Variants in MARCHF2 observed in about 807,000 individuals in gnomAD.
MARCHF2 encodes membrane associated ring-CH-type finger 2, also known as E3 ubiquitin-protein ligase MARCHF2.
Under a neutral mutation model 24.0 loss-of-function variants are expected in MARCHF2, and 22 were observed. That is an observed-to-expected ratio of 0.92 (90% CI 0.66 to 1.31). MARCHF2 has a LOEUF of 1.31. Among genes scored for constraint, MARCHF2 ranks in the 50% most tolerant of loss-of-function variants. The pLI, the probability that MARCHF2 is intolerant of heterozygous loss-of-function variation, is 0.00. For synonymous variants in MARCHF2, 154 were observed against 153.0 expected (o/e 1.01, Z -0.05); for missense variants, 301 against 335.3 (o/e 0.90, Z 0.80).
chr19:8,438,621 C>T lies in MARCHF2; in HGVS notation c.*75C>T, dbSNP rs187578553. ...ATACCCTGTCCTGTGGAAGGACTTC[C>T]ACTTCAACACTTCCACTTCAACAGT... On this transcript the variant is annotated 3_prime_UTR_variant, in exon 5 of 5. Coordinates refer to ENST00000215555, the MANE Select transcript of MARCHF2 (RefSeq NM_001005415.2). 1.4e-6 allele frequency: 2 copies of T among 1,440,550 alleles called. No homozygotes were observed. The highest frequency in any genetic ancestry group is 2.4e-5 in the East Asian group (1 of 41,776). The allele number at this position is 1,440,550 out of a possible 1,614,324, so 89.2% of individuals were successfully genotyped here.
chr19:8,431,126 A>G (rs929688812), intron 4 of MARCHF2, among the ~76,000 whole-genome samples: 1 of 152,142 alleles, frequency 6.6e-6, no homozygotes, highest in African/African-American at 2.4e-5. Flanking sequence ...AACCCCCAAG[A>G]TTAGGAGTGG....
intron 3 of MARCHF2, among the ~76,000 whole-genome samples, chr19:8,428,212 A>G (rs1967464649): frequency 6.6e-6 from 1 of 151,854 alleles, no homozygotes; most frequent in Admixed American, 6.6e-5. Context: ...GTGAGCTGAG[A>G]TCAGGCCACT....
At chr19:8,419,378 C>T (rs953651567) in intron 1 of MARCHF2, among the ~76,000 whole-genome samples, 1 of 152,120 alleles carries the variant, frequency 6.6e-6, no homozygotes, top group African/African-American at 2.4e-5. Context: ...CCTGTAGTCT[C>T]AGCTACTCAG....
intron 1 of MARCHF2, among the ~76,000 whole-genome samples, chr19:8,415,417 CAAAA>C (rs918039744): frequency 6.8e-5 from 10 of 147,164 alleles, no homozygotes; most frequent in East Asian, 2.0e-4. Context: ...AAAAAACAGA[CAAAA>C]GAAAGAAAAG....
At chr19:8,419,673 G>A (rs193255442) in intron 1 of MARCHF2, among the ~76,000 whole-genome samples, 2,044 of 149,406 alleles carry the variant, frequency 0.014, 51 homozygotes, top group African/African-American at 0.048. Context: ...AAAATTAGCC[G>A]GGCGTGGTGG....
chr19:8,422,019 G>A lies in MARCHF2; in HGVS notation c.176+3G>A. 6.2e-7 allele frequency: 1 copy of A among 1,605,130 alleles called. No homozygotes were observed. Among genetic ancestry groups the A allele is most frequent in the Non-Finnish European group, 8.5e-7 (1 of 1,175,128 alleles). On this transcript the variant is annotated splice_donor_region_variant and intron_variant, in intron 2 of 4. Transcript: ENST00000215555. ...ATCCGTGCCTTGGACACACCGAGGTGAGTGGTGACTGCGTGGATATCCTGG... is the reference window on the plus strand; with the variant it reads ...ATCCGTGCCTTGGACACACCGAGGTAAGTGGTGACTGCGTGGATATCCTGG...
At chr19:8,429,479 C>CATTA (rs1259295203) in intron 3 of MARCHF2, among the ~76,000 whole-genome samples, 2 of 142,326 alleles carry the variant, frequency 1.4e-5, no homozygotes, top group African/African-American at 2.6e-5. Flanking sequence ...AATGAAAGAA[C>CATTA]TTATTATTAT....
At chr19:8,420,906 C>T (rs1258437869) in intron 1 of MARCHF2, among the ~76,000 whole-genome samples, 3 of 151,960 alleles carry the variant, frequency 2.0e-5, no homozygotes, top group East Asian at 1.9e-4. Flanking sequence ...CGGAGGCAGG[C>T]GGATTGTCTT....
At chr19:8,423,032 TC>T (rs1345304987) in intron 2 of MARCHF2, among the ~76,000 whole-genome samples, 5 of 142,716 alleles carry the variant, frequency 3.5e-5, no homozygotes, top group Non-Finnish European at 7.6e-5. Flanking sequence ...GCTTTTTTTT[TC>T]CTCTCTTCTC....
In MARCHF2 at chr19:8,427,424, C is replaced by T. The variant is rs955724812; in HGVS notation, c.372+620C>T. ...CTCTGTTAGGCACTGGGGACCCAGC[C>T]ACCAACAAGACACGTAGGGCTGGGC... On this transcript the variant is annotated intron_variant, in intron 3 of 4. Transcript: ENST00000215555. 5.9e-5 allele frequency among the ~76,000 whole-genome samples: 9 copies of T among 151,476 alleles called. No homozygotes were observed. In the South Asian group the frequency reaches 8.3e-4, roughly 14 times the overall value.
chr19:8,431,434 T>C (rs1599714296), intron 4 of MARCHF2, among the ~76,000 whole-genome samples: 1 of 125,528 alleles, frequency 8.0e-6, no homozygotes, highest in Non-Finnish European at 1.6e-5. Flanking sequence ...GAGGCGGAGG[T>C]TGCAGTAAGC....
rs1270619261 is a variant in MARCHF2, at chr19:8,425,741, C to T, written c.177-868C>T. Among the ~76,000 whole-genome samples, 3 of 151,802 alleles carry T rather than the reference C, an allele frequency of 2.0e-5. No homozygotes were observed. The East Asian group carries it at 6.0e-4, about 30-fold the overall frequency. On this transcript the variant is annotated intron_variant, in intron 2 of 4. Coordinates refer to ENST00000215555, the MANE Select transcript of MARCHF2 (RefSeq NM_001005415.2). The stretch of plus-strand genomic sequence containing the variant: ...AAGTGATACTCCTGCCTCAGCCTCC[C>T]CAGTAGCTGGGATTACAGGCACCTA...
intron 4 of MARCHF2, among the ~76,000 whole-genome samples, chr19:8,432,988 G>A (rs1057416170): frequency 5.9e-5 from 9 of 151,984 alleles, no homozygotes; most frequent in Non-Finnish European, 1.2e-4. Flanking sequence ...GGAGGTTGAG[G>A]CAGGCAGATT....
intron 4 of MARCHF2, among the ~76,000 whole-genome samples, chr19:8,433,857 A>C (rs1967643210): frequency 6.6e-6 from 1 of 150,444 alleles, no homozygotes; most frequent in Non-Finnish European, 1.5e-5. Context: ...GAGTGACAGA[A>C]TAAGACTCTG....
At chr19:8,416,268 G>A (rs2045422000) in intron 1 of MARCHF2, among the ~76,000 whole-genome samples, 1 of 150,748 alleles carries the variant, frequency 6.6e-6, no homozygotes, top group Admixed American at 6.7e-5. Flanking sequence ...CTTGAACCCA[G>A]GAGGTGGAGG....
At chr19:8,425,235 A>G (rs1404842686) in intron 2 of MARCHF2, among the ~76,000 whole-genome samples, 1 of 151,616 alleles carries the variant, frequency 6.6e-6, no homozygotes, top group Non-Finnish European at 1.5e-5. Flanking sequence ...AAAAAAAATT[A>G]GCTGGGCATG....
At chr19:8,418,153 G>A (rs1268226946) in intron 1 of MARCHF2, among the ~76,000 whole-genome samples, 2 of 152,146 alleles carry the variant, frequency 1.3e-5, no homozygotes, top group Non-Finnish European at 2.9e-5. Context: ...CTGCCTTCCC[G>A]TAAAGAGCCC....
intron 4 of MARCHF2, among the ~76,000 whole-genome samples, chr19:8,432,553 C>A (rs895362695): frequency 2.6e-5 from 4 of 151,892 alleles, no homozygotes; most frequent in African/African-American, 7.3e-5. Flanking sequence ...TTTTAGGAGG[C>A]CGAGGTGGGA....
rs570942447 is a variant in MARCHF2, at chr19:8,430,065, G to A, written c.373-593G>A. 5.3e-5 allele frequency among the ~76,000 whole-genome samples: 8 copies of A among 151,876 alleles called. No individual in the cohort carries two copies. The highest frequency in any genetic ancestry group is 2.6e-4 in the Admixed American group (4 of 15,172). Reference sequence around the variant, plus strand: ...CTGGCTCCTCATGGGCTCAATAAATGTTTGAAAGAAGGAAAGGGCCAGGCG... The same window carrying A: ...CTGGCTCCTCATGGGCTCAATAAATATTTGAAAGAAGGAAAGGGCCAGGCG... On this transcript the variant is annotated intron_variant, in intron 3 of 4. Transcript: ENST00000215555. This position sits in a 1 kb window ranked among gnomAD's most constrained non-coding sequence, Gnocchi z 4.4.
Sources: gnomAD v4.1 joint callset for allele counts (sites outside exome capture counted in the v4.1 genomes callset) on GRCh38, gnomAD v4.1.1 for gene constraint, Gnocchi (gnomAD v3.1) non-coding constraint, MANE v1.5 for transcripts, NCBI Gene and HGNC (gene_info 2026-07-23, HGNC 2026-07-21) for gene names.